CDK19: variants seen among roughly 807,000 people sequenced by gnomAD.
CDK19 encodes the protein cyclin-dependent kinase 19.
A neutral mutation model predicts 68.3 loss-of-function variants in CDK19; 20 were observed. That is an observed-to-expected ratio of 0.29 (90% confidence interval 0.21 to 0.43). CDK19 has a LOEUF of 0.43. Among genes scored for constraint, CDK19 ranks in the 20% least tolerant of loss-of-function variants. The pLI, the probability that CDK19 is intolerant of heterozygous loss-of-function variation, is 1.00. For missense variants in CDK19, 339 were observed against 623.5 expected, an observed-to-expected ratio of 0.54 and a Z score of 4.86; for synonymous variants, 221 against 222.8, an observed-to-expected ratio of 0.99 and a Z score of 0.07.
At chr6:110,774,409 CTAAG>C (rs1294737343) in intron 1 of CDK19, among the ~76,000 whole-genome samples, 5 of 152,160 alleles carry the variant, frequency 3.3e-5, no homozygotes, top group African/African-American at 1.2e-4. Flanking sequence ...AAAATGGCTA[CTAAG>C]TGACAGGTAG....
chr6:110,729,759 G>C (rs553554032), intron 2 of CDK19, among the ~76,000 whole-genome samples: 146 of 151,712 alleles, frequency 9.6e-4, no homozygotes, highest in African/African-American at 3.3e-3. Context: ...TTTGAGACTA[G>C]GTCTTGCTAT....
At chr6:110,629,527 G>T (rs1648618213) in intron 6 of CDK19, among the ~76,000 whole-genome samples, 1 of 152,102 alleles carries the variant, frequency 6.6e-6, no homozygotes. Context: ...GCTAATTTTT[G>T]TATTTTTGGT....
chr6:110,701,038 C>G (rs9481096), intron 2 of CDK19: 2,086 of 152,136 alleles, frequency 0.014, 29 homozygotes, highest in African/African-American at 0.048. Context: ...AACCCCGTCT[C>G]TACTAAAAAT....
intron 1 of CDK19, among the ~76,000 whole-genome samples, chr6:110,755,854 A>AG (rs1778799074): frequency 6.6e-6 from 1 of 152,200 alleles, no homozygotes; most frequent in Non-Finnish European, 1.5e-5. Context: ...TTAAAGCCAG[A>AG]GGCAGGGGGA....
At chr6:110,677,035 T>C (rs945175915) in intron 2 of CDK19, among the ~76,000 whole-genome samples, 2 of 152,196 alleles carry the variant, frequency 1.3e-5, no homozygotes, top group Non-Finnish European at 2.9e-5. Flanking sequence ...TTCTACCCTA[T>C]GGGTTTCTAT....
At chr6:110,761,138 G>C (rs1779201593) in intron 1 of CDK19, among the ~76,000 whole-genome samples, 1 of 151,986 alleles carries the variant, frequency 6.6e-6, no homozygotes, top group South Asian at 2.1e-4. Flanking sequence ...TGATAGGAGG[G>C]GGTCTCATTT....
intron 2 of CDK19, among the ~76,000 whole-genome samples, chr6:110,692,176 C>A (rs1773054559): frequency 6.6e-6 from 1 of 151,512 alleles, no homozygotes; most frequent in Admixed American, 6.6e-5. Context: ...CGCCTGTAGT[C>A]CCAGGTACCA....
chr6:110,777,247 G>C (rs748938213), intron 1 of CDK19, among the ~76,000 whole-genome samples: 1 of 152,062 alleles, frequency 6.6e-6, no homozygotes, highest in Non-Finnish European at 1.5e-5. Context: ...AAAAGAATTA[G>C]AACTTTTTCA....
rs540209288 is a variant in CDK19 at position 110,762,870 on chromosome 6, C to T, written c.129-16669G>A. Among the ~76,000 whole-genome samples, 4 of 152,298 alleles carry T rather than the reference C, an allele frequency of 2.6e-5. 1 individual carries two copies. Among genetic ancestry groups the T allele is most frequent in the Admixed American group, 1.3e-4 (2 of 15,296 alleles). ...GTTTCCAGAGAGGAAGTATCATTAT[C>T]ATGTGTATCTTTGTAGCCAATGTAA... On this transcript the variant is annotated intron_variant, in intron 1 of 12. Transcript: ENST00000368911.
intron 2 of CDK19, among the ~76,000 whole-genome samples, chr6:110,716,633 G>A (rs940635532): frequency 6.6e-6 from 1 of 152,028 alleles, no homozygotes; most frequent in Admixed American, 6.6e-5. Context: ...ATAGTCCCAG[G>A]CTTTGAAAAA....
chr6:110,634,763 T>C (rs1199571652), intron 5 of CDK19, among the ~76,000 whole-genome samples: 1 of 152,224 alleles, frequency 6.6e-6, no homozygotes, highest in Non-Finnish European at 1.5e-5. Flanking sequence ...TAGATGCCAA[T>C]TGTTGTTGAT....
At chr6:110,715,330 T>C (rs1285701743) in intron 2 of CDK19, among the ~76,000 whole-genome samples, 2 of 152,208 alleles carry the variant, frequency 1.3e-5, no homozygotes, top group Admixed American at 6.5e-5. Flanking sequence ...CAAAAATAAC[T>C]TGGTCATTTA....
chr6:110,814,377 GT>G (rs1783393556), intron 1 of CDK19, among the ~76,000 whole-genome samples: 1 of 152,258 alleles, frequency 6.6e-6, no homozygotes, highest in Admixed American at 6.5e-5. Flanking sequence ...AATTCAGAAT[GT>G]GAGAATGAGA....
chr6:110,791,639 T>G (rs1310375248), intron 1 of CDK19, among the ~76,000 whole-genome samples: 1 of 152,096 alleles, frequency 6.6e-6, no homozygotes, highest in African/African-American at 2.4e-5. Flanking sequence ...TACTTCTTTT[T>G]GCTTATCTTT....
intron 4 of CDK19, among the ~76,000 whole-genome samples, chr6:110,639,241 A>G (rs1407931393): frequency 6.6e-6 from 1 of 152,176 alleles, no homozygotes; most frequent in Non-Finnish European, 1.5e-5. Context: ...GAAAATAAAA[A>G]CCAAGGCTAA....
chr6:110,759,419 AAAAAAAAAAATATATATAT>A (rs1166808079), intron 1 of CDK19, among the ~76,000 whole-genome samples: 9 of 123,938 alleles, frequency 7.3e-5, no homozygotes, highest in African/African-American at 2.7e-4. Flanking sequence ...AAAAAAAAAA[AAAAAAAAAAATATATATAT>A]ATATATATAT....
chr6:110,759,427 AAATATATAT>A (rs1222482485), intron 1 of CDK19, among the ~76,000 whole-genome samples: 14 of 110,694 alleles, frequency 1.3e-4, no homozygotes, highest in African/African-American at 5.2e-4. Flanking sequence ...AAAAAAAAAA[AAATATATAT>A]ATATATATAT....
chr6:110,745,075 T>C (rs1777977739), intron 2 of CDK19, among the ~76,000 whole-genome samples: 1 of 152,212 alleles, frequency 6.6e-6, no homozygotes, highest in South Asian at 2.1e-4. Context: ...ACATCTCTAA[T>C]AGATGTGATA....
intron 4 of CDK19, among the ~76,000 whole-genome samples, chr6:110,644,989 A>C (rs1780457961): frequency 6.6e-6 from 1 of 152,220 alleles, no homozygotes. Flanking sequence ...AGCAAAATAA[A>C]TATAACTTCA....
Sources: allele counts gnomAD v4.1 joint callset (sites outside exome capture counted in the v4.1 genomes callset), GRCh38; gene constraint gnomAD v4.1.1; transcripts MANE v1.5; gene names NCBI Gene and HGNC (gene_info 2026-07-23, HGNC 2026-07-21).